Variants in SCAPER observed in about 807,000 individuals in gnomAD.
The protein encoded by SCAPER is S phase cyclin A-associated protein in the endoplasmic reticulum.
SCAPER carries 98 observed loss-of-function variants against 182.2 expected under a neutral mutation model. The observed-to-expected ratio is 0.54, with a 90% CI of 0.46 to 0.64. SCAPER has a LOEUF of 0.64. Ranked by LOEUF, SCAPER falls within the 30% of genes least tolerant of loss-of-function variation. The pLI is 0.00. For missense variants in SCAPER, 1,432 were observed against 1,690.0 expected (o/e 0.85, Z 2.68); for synonymous variants, 605 against 564.6 (o/e 1.07, Z -1.01).
At chr15:76,540,452 T>A (rs1020134337) in intron 23 of SCAPER, among the ~76,000 whole-genome samples, 96 of 152,264 alleles carry the variant, frequency 6.3e-4, no homozygotes, top group African/African-American at 2.1e-3. Context: ...ATTAGGTAGA[T>A]CTTCATGTGT....
At chr15:76,548,676 C>G (rs972431063) in intron 23 of SCAPER, among the ~76,000 whole-genome samples, 2 of 152,100 alleles carry the variant, frequency 1.3e-5, no homozygotes, top group South Asian at 2.1e-4. Flanking sequence ...ACAAACCTGA[C>G]AAAAACAAGC....
At chr15:76,679,350 T>C (rs992116670) in intron 20 of SCAPER, among the ~76,000 whole-genome samples, 1 of 152,200 alleles carries the variant, frequency 6.6e-6, no homozygotes, top group Non-Finnish European at 1.5e-5. Flanking sequence ...TCCATTATAT[T>C]TAAGTTTAAA....
chr15:76,578,465 C>T (rs1400831262), intron 22 of SCAPER, among the ~76,000 whole-genome samples: 2 of 152,188 alleles, frequency 1.3e-5, no homozygotes, highest in Non-Finnish European at 2.9e-5. Context: ...TACAGGGGTG[C>T]TTGTGTCAAC....
chr15:76,433,919 A>AATC (rs2047024617), intron 26 of SCAPER, among the ~76,000 whole-genome samples, 159 bp downstream of exon 26: 1 of 152,226 alleles, frequency 6.6e-6, no homozygotes, highest in South Asian at 2.1e-4. Context: ...GAAGGTGATA[A>AATC]ATCTGAGAAA....
intron 21 of SCAPER, among the ~76,000 whole-genome samples, chr15:76,638,909 G>A (rs2053869403): frequency 6.6e-6 from 1 of 152,098 alleles, no homozygotes; most frequent in Non-Finnish European, 1.5e-5. Context: ...CTGCAAGTTA[G>A]GCAACCATTT....
chr15:76,633,463 G>A (rs2053323419), intron 21 of SCAPER, among the ~76,000 whole-genome samples: 1 of 152,208 alleles, frequency 6.6e-6, no homozygotes, highest in African/African-American at 2.4e-5. Context: ...GAGCAGGTGT[G>A]CTACATTAGG....
At chr15:76,639,812 G>A (rs2053955612) in intron 21 of SCAPER, among the ~76,000 whole-genome samples, 1 of 151,350 alleles carries the variant, frequency 6.6e-6, no homozygotes, top group Non-Finnish European at 1.5e-5. Flanking sequence ...TAAAAGTTGT[G>A]TTAAACCACC....
At chr15:76,883,723 T>C (rs2073699339) in intron 2 of SCAPER, 89 bp downstream of exon 2, 2 of 1,096,170 alleles carry the variant, frequency 1.8e-6, no homozygotes, top group Admixed American at 6.0e-5. Context: ...GTATCTTGAA[T>C]GAAACAACTA....
At chr15:76,428,856 GATC>G (rs910324862) in intron 26 of SCAPER, among the ~76,000 whole-genome samples, 2 of 69,338 alleles carry the variant, frequency 2.9e-5, no homozygotes, top group Non-Finnish European at 5.5e-5. Flanking sequence ...ATCCTGATCA[GATC>G]ATTATACTAT....
chr15:76,650,772 AAATAC>A (rs2054969073), intron 21 of SCAPER, among the ~76,000 whole-genome samples: 1 of 152,130 alleles, frequency 6.6e-6, no homozygotes, highest in Non-Finnish European at 1.5e-5. Flanking sequence ...AGTTGCTGAG[AAATAC>A]AACAAATCTT....
At chr15:76,894,436 T>C (rs1242128813) in intron 1 of SCAPER, among the ~76,000 whole-genome samples, 1 of 151,462 alleles carries the variant, frequency 6.6e-6, no homozygotes, top group Non-Finnish European at 1.5e-5. Context: ...ATCCCATCTA[T>C]GAAAAGAAAA....
intron 14 of SCAPER, among the ~76,000 whole-genome samples, chr15:76,755,347 T>C (rs967736981): frequency 2.6e-5 from 4 of 152,234 alleles, no homozygotes; most frequent in Non-Finnish European, 4.4e-5. Flanking sequence ...TCAACTTTAC[T>C]ACTGTATTCA....
chr15:76,891,829 AT>A (rs1258786562), intron 1 of SCAPER, among the ~76,000 whole-genome samples: 1 of 150,468 alleles, frequency 6.6e-6, no homozygotes, highest in African/African-American at 2.4e-5. Flanking sequence ...ATTTTTTCCA[AT>A]TTGGTTCATA....
Position 76,644,226 on chromosome 15 carries a change from T to C in SCAPER, c.2645+21427A>G, listed in dbSNP as rs143701105. Among the ~76,000 whole-genome samples the C allele has an allele frequency of 8.0e-3, 1,212 of 152,210 alleles. 37 individuals are homozygous for C. The highest frequency in any genetic ancestry group is 0.058 in the Admixed American group (888 of 15,274). On this transcript the variant is annotated intron_variant, in intron 21 of 31. Transcript: ENST00000563290. ...ACATGGAATTTAATATTAAAACAGA[T>C]TGAATACAGAAGCAGCTGTGAGAAT...
At chr15:76,429,189 C>A (rs1212707424) in intron 26 of SCAPER, among the ~76,000 whole-genome samples, 1 of 152,062 alleles carries the variant, frequency 6.6e-6, no homozygotes, top group East Asian at 1.9e-4. Flanking sequence ...GAGGCCTCCC[C>A]AGCCATCTGG....
intron 20 of SCAPER, among the ~76,000 whole-genome samples, chr15:76,672,406 A>C (rs1435679530): frequency 6.6e-6 from 1 of 152,188 alleles, no homozygotes; most frequent in Non-Finnish European, 1.5e-5. Context: ...CACATCAAAA[A>C]CATGTATGCA....
chr15:76,703,143 T>C (rs1033466412), intron 18 of SCAPER, 141 bp from the exon 19 acceptor site: 1 of 860,628 alleles, frequency 1.2e-6, no homozygotes, highest in Non-Finnish European at 1.7e-6. Context: ...GACAAAGCTT[T>C]ACACAAAGCC....
At chr15:76,559,201 A>ATTTTTTTTTTTTTTTTT (rs58642207) in intron 23 of SCAPER, among the ~76,000 whole-genome samples, 4 of 121,826 alleles carry the variant, frequency 3.3e-5, no homozygotes, top group African/African-American at 7.5e-5. Context: ...CACCCAGCTA[A>ATTTTTTTTTTTTTTTTT]TTTTTTTTTT....
At chr15:76,484,281 G>C (rs911646713) in intron 24 of SCAPER, among the ~76,000 whole-genome samples, 13 of 152,066 alleles carry the variant, frequency 8.5e-5, no homozygotes, top group African/African-American at 3.1e-4. Flanking sequence ...TGATATTCTG[G>C]AAATGGTAAA....
Sources: allele counts gnomAD v4.1 joint callset (sites outside exome capture counted in the v4.1 genomes callset), GRCh38; gene constraint gnomAD v4.1.1; transcripts MANE v1.5; gene names NCBI Gene and HGNC (gene_info 2026-07-23, HGNC 2026-07-21).